The following SAMD12 variants were observed in gnomAD, a reference collection of about 807,000 sequenced individuals.
The protein encoded by SAMD12 is sterile alpha motif domain-containing protein 12.
SAMD12 carries 9 observed loss-of-function variants against 15.0 expected under a neutral mutation model. The observed-to-expected ratio is 0.60, with a 90% CI of 0.36 to 1.05. SAMD12 has a LOEUF of 1.05. Among genes scored for constraint, SAMD12 ranks in the 50% least tolerant of loss-of-function variants. SAMD12 has a pLI of 0.01. For missense variants in SAMD12, 230 were observed against 234.2 expected (o/e 0.98, Z 0.12); for synonymous variants, 86 against 90.1 (o/e 0.96, Z 0.25).
chr8:118,353,864 G>A (rs1248872378), intron 4 of SAMD12, among the ~76,000 whole-genome samples: 3 of 152,066 alleles, frequency 2.0e-5, no homozygotes, highest in Non-Finnish European at 4.4e-5. Context: ...TGGGAGGCAG[G>A]AGGTGAGAGG....
At chr8:118,466,261 G>C (rs1823591571) in intron 2 of SAMD12, among the ~76,000 whole-genome samples, 1 of 152,170 alleles carries the variant, frequency 6.6e-6, no homozygotes, top group Non-Finnish European at 1.5e-5. Flanking sequence ...CCAGTGTATG[G>C]GATCAGGAGC....
intron 4 of SAMD12, among the ~76,000 whole-genome samples, chr8:118,324,665 A>G (rs1233476321): frequency 6.6e-6 from 1 of 152,176 alleles, no homozygotes; most frequent in African/African-American, 2.4e-5. Context: ...GAGACCTGAC[A>G]TTTGAATTGA....
chr8:118,573,674 C>T (rs75809873), intron 2 of SAMD12, among the ~76,000 whole-genome samples: 1 of 152,120 alleles, frequency 6.6e-6, no homozygotes, highest in African/African-American at 2.4e-5. Context: ...CCACTTGTAC[C>T]AATCCAGAAA....
At position 118,245,777 on chromosome 8, in the gene SAMD12, G is replaced by T. The variant is rs28370852; in HGVS notation, c.434-48045C>A. 4.3e-3 allele frequency among the ~76,000 whole-genome samples: 655 copies of T among 152,222 alleles called. 2 individuals are homozygous for T. The highest frequency in any genetic ancestry group is 0.015 in the African/African-American group (618 of 41,556). ...GTGACAGCTTCTTGCATTTATCACAGAATTTTCCAGTTGTAAGGGAAGTCT... is the reference window on the plus strand; with the variant it reads ...GTGACAGCTTCTTGCATTTATCACATAATTTTCCAGTTGTAAGGGAAGTCT... On this transcript the variant is annotated intron_variant, in intron 4 of 4. Coordinates refer to the SAMD12 transcript ENST00000409003.
intron 4 of SAMD12, among the ~76,000 whole-genome samples, chr8:118,315,715 G>T (rs1042458275): frequency 4.6e-5 from 7 of 152,174 alleles, no homozygotes; most frequent in African/African-American, 1.7e-4. Context: ...CCTCCCATTA[G>T]GGACAGTGGA....
intron 4 of SAMD12, among the ~76,000 whole-genome samples, chr8:118,332,690 G>A (rs1816860134): frequency 6.6e-6 from 1 of 152,200 alleles, no homozygotes; most frequent in Non-Finnish European, 1.5e-5. Flanking sequence ...GGCTGTGAGG[G>A]TTTACTGTTG....
intron 2 of SAMD12, among the ~76,000 whole-genome samples, chr8:118,453,485 G>A (rs564388231): frequency 2.6e-5 from 4 of 151,946 alleles, no homozygotes; most frequent in African/African-American, 2.4e-5. Flanking sequence ...ATTCATATTC[G>A]GAGCAAATAT....
chr8:118,199,304 T>C (rs374692447), intron 4 of SAMD12, among the ~76,000 whole-genome samples: 2 of 152,184 alleles, frequency 1.3e-5, no homozygotes. Flanking sequence ...AATAAATACT[T>C]TGTAATTTCA....
At chr8:118,219,112 C>T (rs1240249291) in intron 4 of SAMD12, among the ~76,000 whole-genome samples, 1 of 152,196 alleles carries the variant, frequency 6.6e-6, no homozygotes, top group African/African-American at 2.4e-5. Context: ...CAGGCCAGCT[C>T]ACCTCACCTC....
chr8:118,304,294 T>C (rs1462083840), intron 4 of SAMD12, among the ~76,000 whole-genome samples: 1 of 152,236 alleles, frequency 6.6e-6, no homozygotes, highest in Non-Finnish European at 1.5e-5. Flanking sequence ...TGTTTTGAAA[T>C]GTCACAACAA....
intron 3 of SAMD12, among the ~76,000 whole-genome samples, chr8:118,382,037 T>C (rs1322336316): frequency 2.0e-5 from 3 of 152,224 alleles, no homozygotes; most frequent in Admixed American, 6.5e-5. Context: ...TGTCAGACCT[T>C]AGTCCAGAAG....
chr8:118,614,244 C>T (rs1828181433), intron 1 of SAMD12, among the ~76,000 whole-genome samples: 1 of 152,206 alleles, frequency 6.6e-6, no homozygotes, highest in Non-Finnish European at 1.5e-5. Context: ...TGAGCACCTA[C>T]CACAAACCAG....
intron 4 of SAMD12, among the ~76,000 whole-genome samples, chr8:118,337,084 A>G (rs1459519779): frequency 6.6e-6 from 1 of 152,072 alleles, no homozygotes; most frequent in Admixed American, 6.6e-5. Flanking sequence ...TGGGTGCAGC[A>G]CACCAACATG....
chr8:118,591,904 GA>G, intron 1 of SAMD12, among the ~76,000 whole-genome samples: 1 of 152,096 alleles, frequency 6.6e-6, no homozygotes, highest in African/African-American at 2.4e-5. Flanking sequence ...AGGGAAGAAG[GA>G]AAAAGTATAG....
At chr8:118,582,192 T>C (rs1827313044) in intron 1 of SAMD12, among the ~76,000 whole-genome samples, 1 of 152,180 alleles carries the variant, frequency 6.6e-6, no homozygotes, top group African/African-American at 2.4e-5. Flanking sequence ...TATTCCTATG[T>C]TCCCAATCAA....
intron 2 of SAMD12, among the ~76,000 whole-genome samples, chr8:118,497,729 G>A (rs1239647670): frequency 1.7e-5 from 2 of 115,422 alleles, no homozygotes; most frequent in South Asian, 2.6e-4. Context: ...GTTGCGGGGG[G>A]GGGTGGGGGG....
intron 3 of SAMD12, among the ~76,000 whole-genome samples, chr8:118,388,413 CTT>C (rs1820077572): frequency 6.6e-6 from 1 of 152,224 alleles, no homozygotes; most frequent in African/African-American, 2.4e-5. Context: ...AAGCAGCTCT[CTT>C]TTGTCTTTTG....
intron 2 of SAMD12, among the ~76,000 whole-genome samples, chr8:118,549,016 G>C (rs761458867): frequency 1.2e-4 from 19 of 152,256 alleles, no homozygotes; most frequent in Non-Finnish European, 2.5e-4. Flanking sequence ...GGTAAACGAA[G>C]CAGCCAGGAA....
At chr8:118,298,288 G>A (rs765245783) in intron 4 of SAMD12, among the ~76,000 whole-genome samples, 20 of 152,118 alleles carry the variant, frequency 1.3e-4, no homozygotes, top group Admixed American at 7.9e-4. Context: ...ATTTCAAAAT[G>A]GGTAAGATGT....
Sources: gnomAD v4.1 joint callset for allele counts (sites outside exome capture counted in the v4.1 genomes callset) on GRCh38, gnomAD v4.1.1 for gene constraint, MANE v1.5 for transcripts, NCBI Gene and HGNC (gene_info 2026-07-23, HGNC 2026-07-21) for gene names.